Variants in SLC35F3 observed in about 807,000 individuals in gnomAD.
SLC35F3 encodes the protein putative thiamine transporter SLC35F3.
SLC35F3 carries 25 observed loss-of-function variants against 49.9 expected under a neutral mutation model. The observed-to-expected ratio is 0.50, with a 90% CI of 0.37 to 0.70. SLC35F3 has a LOEUF of 0.70. Ranked by LOEUF, SLC35F3 falls within the 30% of genes least tolerant of loss-of-function variation. The probability of loss-of-function intolerance (pLI) is 0.00; values close to 1 mark genes in which losing one functional copy is unlikely to be tolerated. For synonymous variants in SLC35F3, 275 were observed against 265.4 expected (o/e 1.04, Z -0.35); for missense variants, 525 against 639.8 (o/e 0.82, Z 1.94).
At chr1:233,988,549 G>A (rs1663302963) in intron 2 of SLC35F3, among the ~76,000 whole-genome samples, 1 of 152,108 alleles carries the variant, frequency 6.6e-6, no homozygotes, top group African/African-American at 2.4e-5. Flanking sequence ...GGGTCCTGTG[G>A]CTCAAACATG....
At chr1:233,923,079 C>A (rs549553323) in intron 2 of SLC35F3, among the ~76,000 whole-genome samples, 1 of 152,172 alleles carries the variant, frequency 6.6e-6, no homozygotes, top group South Asian at 2.1e-4. Context: ...AGTCAGGTAG[C>A]GTGATGCCTC....
Position 233,905,671 on chromosome 1 carries a change from G to A in SLC35F3, c.196G>A (p.Gly66Arg), listed in dbSNP as rs767790672. The change falls in exon 2 of 8, where the codon GGG becomes AGG. Residue 66 changes from glycine to arginine, a missense_variant. Physicochemically the swap from Gly to Arg is moderately radical, Grantham distance 125. This residue lies in a region of SLC35F3 where 228 missense variants were observed against 218.9 expected (regional missense o/e 1.04). Transcript: ENST00000366618. ...GCGCTCCGTGGAGGATCTCACCAGCGGGCCGGTGGGGCTCACGTCCATCGA... is the reference window on the plus strand; with the variant it reads ...GCGCTCCGTGGAGGATCTCACCAGCAGGCCGGTGGGGCTCACGTCCATCGA... The part of the protein sequence containing the change: ...WSRSVEDLTS[G>R]PVGLTSIEER... 16 of 1,614,200 alleles carry A rather than the reference G, an allele frequency of 9.9e-6. No homozygotes were observed. The highest frequency in any genetic ancestry group is 1.4e-5 in the Non-Finnish European group (16 of 1,180,044).
chr1:234,123,908 G>C (rs1035390251), intron 2 of SLC35F3, among the ~76,000 whole-genome samples: 7 of 152,200 alleles, frequency 4.6e-5, no homozygotes, highest in African/African-American at 1.4e-4. Flanking sequence ...TTCTGGAAGA[G>C]ACAGTTATTC....
At chr1:234,314,972 C>T (rs1204262504) in intron 4 of SLC35F3, among the ~76,000 whole-genome samples, 1 of 152,216 alleles carries the variant, frequency 6.6e-6, no homozygotes, top group Non-Finnish European at 1.5e-5. Flanking sequence ...TGCTTTCTCA[C>T]TTTTCCCTTT....
chr1:234,296,940 C>G (rs538954992), intron 3 of SLC35F3, among the ~76,000 whole-genome samples: 6 of 152,150 alleles, frequency 3.9e-5, no homozygotes, highest in Non-Finnish European at 7.4e-5. Context: ...TTTAATGAAA[C>G]ATTTGCCTAC....
intron 2 of SLC35F3, among the ~76,000 whole-genome samples, chr1:233,951,247 TC>T (rs1425147265): frequency 6.6e-6 from 1 of 152,050 alleles, no homozygotes; most frequent in Non-Finnish European, 1.5e-5. Flanking sequence ...CTGAAACGTT[TC>T]TATCACCTAG....
chr1:234,042,815 G>C (rs1195867795), intron 2 of SLC35F3, among the ~76,000 whole-genome samples: 1 of 152,052 alleles, frequency 6.6e-6, no homozygotes, highest in Non-Finnish European at 1.5e-5. Flanking sequence ...ATGAAGTGTA[G>C]TAGGTGCACC....
intron 2 of SLC35F3, among the ~76,000 whole-genome samples, chr1:234,031,692 G>A (rs1411797062): frequency 2.6e-5 from 4 of 152,028 alleles, no homozygotes; most frequent in African/African-American, 4.8e-5. Flanking sequence ...TTACAGGTGC[G>A]AGCCACTGCC....
chr1:233,914,140 C>T (rs527819145), intron 2 of SLC35F3, among the ~76,000 whole-genome samples: 4 of 152,208 alleles, frequency 2.6e-5, no homozygotes, highest in Admixed American at 6.5e-5. Context: ...CCTCCTGGGC[C>T]GTGTAGATTA....
At chr1:234,220,540 G>A (rs2102944907) in intron 2 of SLC35F3, among the ~76,000 whole-genome samples, 1 of 152,290 alleles carries the variant, frequency 6.6e-6, no homozygotes, top group African/African-American at 2.4e-5. Context: ...CCTCTACAGT[G>A]GCTCCTAACG....
intron 2 of SLC35F3, among the ~76,000 whole-genome samples, chr1:234,009,017 A>G (rs1663673778): frequency 6.6e-6 from 1 of 152,216 alleles, no homozygotes; most frequent in African/African-American, 2.4e-5. Context: ...TAAAGTTAAT[A>G]CTCTAAAAGG....
In SLC35F3 at chr1:234,223,756, T is replaced by C. The variant is rs147805786; in HGVS notation, c.284-7661T>C. On this transcript the variant is annotated intron_variant, in intron 2 of 7. Coordinates refer to ENST00000366618, the MANE Select transcript of SLC35F3 (RefSeq NM_173508.4). Reference sequence around the variant, plus strand: ...ACACTCTCTACTGTAACCCCTTGTATTAGCTAGCACCACCATAACAACATA... The same window carrying C: ...ACACTCTCTACTGTAACCCCTTGTACTAGCTAGCACCACCATAACAACATA... Among the ~76,000 whole-genome samples the C allele has an allele frequency of 2.0e-5, 3 of 152,300 alleles. No individual in the cohort carries two copies. In the East Asian group the frequency reaches 5.8e-4, roughly 29 times the overall value.
chr1:234,181,300 C>T (rs1458506122), intron 2 of SLC35F3, among the ~76,000 whole-genome samples: 1 of 138,920 alleles, frequency 7.2e-6, no homozygotes, highest in East Asian at 2.1e-4. Context: ...TGTGTCACTG[C>T]ACTCCAGTCT....
intron 3 of SLC35F3, among the ~76,000 whole-genome samples, chr1:234,238,476 A>G (rs1323995956): frequency 6.6e-6 from 1 of 152,168 alleles, no homozygotes; most frequent in Non-Finnish European, 1.5e-5. Context: ...GTGAAATGAA[A>G]CAGAACATCG....
intron 2 of SLC35F3, among the ~76,000 whole-genome samples, chr1:234,189,294 C>A (rs1004933346): frequency 2.6e-5 from 4 of 151,090 alleles, no homozygotes; most frequent in Non-Finnish European, 4.4e-5. Flanking sequence ...AAGGTGAAGT[C>A]CGACTTAAGG....
chr1:234,066,054 C>T (rs1194429671), intron 2 of SLC35F3, among the ~76,000 whole-genome samples: 3 of 152,148 alleles, frequency 2.0e-5, no homozygotes, highest in Admixed American at 2.0e-4. Context: ...GCTCTGGTAT[C>T]CGTATCAATG....
At chr1:234,051,077 C>A (rs1431653966) in intron 2 of SLC35F3, among the ~76,000 whole-genome samples, 1 of 152,288 alleles carries the variant, frequency 6.6e-6, no homozygotes, top group African/African-American at 2.4e-5. Context: ...AGCGTGATGC[C>A]TCCAGGTTTG....
At chr1:234,306,137 C>T (rs1409023650) in intron 3 of SLC35F3, among the ~76,000 whole-genome samples, 1 of 152,120 alleles carries the variant, frequency 6.6e-6, no homozygotes, top group Non-Finnish European at 1.5e-5. Context: ...CCAGCCAGAT[C>T]CTGAGATATT....
At chr1:234,321,348 C>T (rs546519283) in intron 7 of SLC35F3, among the ~76,000 whole-genome samples, 1 of 152,354 alleles carries the variant, frequency 6.6e-6, no homozygotes. Context: ...CTTGCCTCCC[C>T]TGCAAATGAA....
Sources: gnomAD v4.1 joint callset for allele counts (sites outside exome capture counted in the v4.1 genomes callset) on GRCh38, gnomAD v4.1.1 for gene constraint, gnomAD v4.1.1 regional missense constraint, MANE v1.5 for transcripts, NCBI Gene and HGNC (gene_info 2026-07-23, HGNC 2026-07-21) for gene names.